The following USP32 variants were observed in gnomAD, a reference collection of about 807,000 sequenced individuals.
USP32 encodes the protein ubiquitin carboxyl-terminal hydrolase 32.
A neutral mutation model predicts 204.8 loss-of-function variants in USP32; 59 were observed. The ratio of observed to expected loss-of-function variants is 0.29; its 90% CI spans 0.23 to 0.36. USP32 has a LOEUF of 0.36. Ranked by LOEUF, USP32 falls within the 10% of genes least tolerant of loss-of-function variation. The probability of loss-of-function intolerance (pLI) is 1.00; values close to 1 mark genes in which losing one functional copy is unlikely to be tolerated. For synonymous variants in USP32, 517 were observed against 678.4 expected (o/e 0.76, Z 3.70); for missense variants, 1,160 against 1,946.4 (o/e 0.60, Z 7.60).
chr17:60,206,992 C>T, intron 25 of USP32, 29 bp downstream of exon 25: 1 of 1,590,570 alleles, frequency 6.3e-7, no homozygotes, highest in Non-Finnish European at 8.5e-7. Flanking sequence ...AAGGAGCAAT[C>T]ATGAGAAGGA....
At chr17:60,283,252 G>A (rs1174034930) in intron 5 of USP32, among the ~76,000 whole-genome samples, 1 of 152,164 alleles carries the variant, frequency 6.6e-6, no homozygotes, top group Non-Finnish European at 1.5e-5. Flanking sequence ...ACGGTATATT[G>A]ACCAGTGCTC....
intron 12 of USP32, among the ~76,000 whole-genome samples, chr17:60,230,614 A>G (rs962705571): frequency 2.0e-5 from 3 of 152,318 alleles, no homozygotes; most frequent in African/African-American, 7.2e-5. Context: ...CAAACAAACT[A>G]GACTGGTCTG....
intron 2 of USP32, among the ~76,000 whole-genome samples, chr17:60,320,789 A>G (rs1257790015): frequency 6.6e-6 from 1 of 152,210 alleles, no homozygotes; most frequent in Non-Finnish European, 1.5e-5. Flanking sequence ...AATAAGCAAT[A>G]AAACTAGCAT....
At chr17:60,326,914 T>C (rs899177404) in intron 2 of USP32, among the ~76,000 whole-genome samples, 1 of 152,142 alleles carries the variant, frequency 6.6e-6, no homozygotes, top group East Asian at 1.9e-4. Flanking sequence ...CTTACGTAGA[T>C]GCTAAAAAAG....
chr17:60,422,250 T>G, exon 1 of USP32: 3 of 346,788 alleles, frequency 8.7e-6, no homozygotes, highest in South Asian at 2.6e-5. Context: ...CCTTACCAGG[T>G]GGTGTCAGGA....
intron 12 of USP32, among the ~76,000 whole-genome samples, chr17:60,234,528 C>A (rs371138189): frequency 5.3e-5 from 8 of 151,128 alleles, no homozygotes; most frequent in Admixed American, 4.6e-4. Context: ...GAGATTGAGA[C>A]CATCCTGGCT....
chr17:60,327,067 T>C (rs1417280561), intron 2 of USP32, among the ~76,000 whole-genome samples: 1 of 152,142 alleles, frequency 6.6e-6, no homozygotes. Flanking sequence ...TACAGCACTA[T>C]AGGGTGACTA....
intron 2 of USP32, among the ~76,000 whole-genome samples, chr17:60,305,769 A>G (rs1252614719): frequency 6.6e-6 from 1 of 152,244 alleles, no homozygotes; most frequent in Non-Finnish European, 1.5e-5. Context: ...AGAGTAAAGC[A>G]GTGAGGGTAA....
rs527314859 is a variant in USP32 at position 60,326,596 on chromosome 17, G to A, written c.186+18885C>T. Among the ~76,000 whole-genome samples, 7 of 152,308 alleles carry A rather than the reference G, an allele frequency of 4.6e-5. No individual in the cohort carries two copies. In the South Asian group the frequency reaches 1.4e-3, roughly 32 times the overall value. Reference sequence around the variant, plus strand: ...TTAAAGGCATGAGCCACTGTGCCCGGCCATGGTTTATTTTCTCATTCTACT... The same window carrying A: ...TTAAAGGCATGAGCCACTGTGCCCGACCATGGTTTATTTTCTCATTCTACT... On this transcript the variant is annotated intron_variant, in intron 2 of 33. Transcript: ENST00000300896.
chr17:60,391,907 G>A lies in USP32; in HGVS notation c.33C>T (p.Leu11=). The A allele has an allele frequency of 1.2e-6, 2 of 1,611,616 alleles. No individual in the cohort carries two copies. The highest frequency in any genetic ancestry group is 1.7e-6 in the Non-Finnish European group (2 of 1,179,172). MGAKESRIGF[L]SYEEALRRVT... ...CTCTCCTCAGCGCCTCCTCGTAGCT[G>A]AGGAATCCGATCCGTGACTCCTTGG... Residue 11 remains leucine (L), a synonymous_variant, in exon 1 of 34, where the codon CTC becomes CTT. Transcript: ENST00000300896.
chr17:60,315,261 G>T (rs1443057156), intron 2 of USP32, among the ~76,000 whole-genome samples: 1 of 152,112 alleles, frequency 6.6e-6, no homozygotes, highest in Non-Finnish European at 1.5e-5. Context: ...TTAGCCAGGC[G>T]TGGCGGTGTG....
intron 3 of USP32, among the ~76,000 whole-genome samples, chr17:60,299,224 A>T (rs1368703228): frequency 6.6e-6 from 1 of 152,232 alleles, no homozygotes; most frequent in Non-Finnish European, 1.5e-5. Context: ...TGACAATTAT[A>T]CCTCAATAAA....
rs142000332 is a variant in USP32 at position 60,178,276 on chromosome 17, T to C, written c.*979A>G. Among the ~76,000 whole-genome samples the C allele has an allele frequency of 4.6e-5, 7 of 152,350 alleles. No individual in the cohort carries two copies. Among genetic ancestry groups the C allele is most frequent in the African/African-American group, 1.7e-4 (7 of 41,588 alleles). Reference sequence around the variant, plus strand: ...AGTTCATTTGCATGTGTTCTCTCTTTTTTAAAGTGCAAGACAAACACAGAA... The same window carrying C: ...AGTTCATTTGCATGTGTTCTCTCTTCTTTAAAGTGCAAGACAAACACAGAA... On this transcript the variant is annotated 3_prime_UTR_variant, in exon 34 of 34. Transcript: ENST00000300896.
chr17:60,325,948 G>C (rs771924763), intron 2 of USP32, among the ~76,000 whole-genome samples: 23 of 148,516 alleles, frequency 1.5e-4, no homozygotes, highest in Non-Finnish European at 2.8e-4. Flanking sequence ...ACTTTAGCCT[G>C]GGTGACAGAG....
chr17:60,204,196 C>CA (rs2084764182), intron 26 of USP32, among the ~76,000 whole-genome samples: 1 of 152,002 alleles, frequency 6.6e-6, no homozygotes, highest in Non-Finnish European at 1.5e-5. Flanking sequence ...CAAAACAAAA[C>CA]AAAAAAACCA....
At chr17:60,259,573 A>G (rs2086402707) in intron 9 of USP32, among the ~76,000 whole-genome samples, 4 of 152,190 alleles carry the variant, frequency 2.6e-5, no homozygotes, top group Admixed American at 2.6e-4. Flanking sequence ...AAATGAATAC[A>G]AATTACCATA....
chr17:60,380,771 T>C (rs2089634166), intron 1 of USP32, among the ~76,000 whole-genome samples: 1 of 152,226 alleles, frequency 6.6e-6, no homozygotes, highest in Non-Finnish European at 1.5e-5. Context: ...ACTACTCATT[T>C]GCTATTTGAG....
Position 60,180,870 on chromosome 17 carries a change from T to TAATTGTAATTGTAATTGTAAAAAAA in USP32, c.4549-234_4549-233insTTTTTTTACAATTACAATTACAATT, listed in dbSNP as rs764698884. 4.1e-5 allele frequency among the ~76,000 whole-genome samples: 4 copies of TAATTGTAATTGTAATTGTAAAAAAA among 98,020 alleles called. No individual in the cohort carries two copies. The East Asian group carries it at 1.1e-3, about 28-fold the overall frequency. 64.3% of individuals were successfully genotyped at this position (98,020 alleles called of 152,430 possible). ...AATCATTTTATAATTGTAATTACTA[T>TAATTGTAATTGTAATTGTAAAAAAA]TATTATTATTATTATTATTATTATT... On this transcript the variant is annotated intron_variant, in intron 32 of 33. Transcript: ENST00000300896.
At chr17:60,195,005 C>T (rs565748099) in intron 27 of USP32, among the ~76,000 whole-genome samples, 1 of 152,292 alleles carries the variant, frequency 6.6e-6, no homozygotes, top group South Asian at 2.1e-4. Flanking sequence ...ATACAATGAA[C>T]ATCCCATGTA....
Sources: gnomAD v4.1 joint callset for allele counts (sites outside exome capture counted in the v4.1 genomes callset) on GRCh38, gnomAD v4.1.1 for gene constraint, MANE v1.5 for transcripts, NCBI Gene and HGNC (gene_info 2026-07-23, HGNC 2026-07-21) for gene names.